Variants in NXN observed in about 807,000 individuals in gnomAD.
NXN encodes nucleoredoxin 1.
Under a neutral mutation model 48.6 loss-of-function variants are expected in NXN, and 16 were observed. The ratio of observed to expected loss-of-function variants is 0.33; its 90% confidence interval spans 0.22 to 0.50. NXN has a LOEUF of 0.50. Among genes scored for constraint, NXN ranks in the 20% least tolerant of loss-of-function variants. The pLI is 0.98. For missense variants in NXN, 492 were observed against 605.5 expected (o/e 0.81, Z 1.97); for synonymous variants, 281 against 269.6 (o/e 1.04, Z -0.41).
intron 1 of NXN, among the ~76,000 whole-genome samples, chr17:881,949 G>A (rs2068289025): frequency 6.6e-6 from 1 of 152,194 alleles, no homozygotes; most frequent in Middle Eastern, 3.2e-3. Context: ...ATGGGAGGGG[G>A]AGTCACCAGA....
At chr17:841,510 GGCGA>G (rs1914250264) in intron 1 of NXN, among the ~76,000 whole-genome samples, 4 of 27,566 alleles carry the variant, frequency 1.5e-4, no homozygotes, top group Admixed American at 3.4e-4. Flanking sequence ...ATCTCACACG[GGCGA>G]GCAGGTCCCC....
intron 4 of NXN, among the ~76,000 whole-genome samples, chr17:822,110 C>A (rs545917096): frequency 1.3e-5 from 2 of 152,052 alleles, no homozygotes; most frequent in South Asian, 2.1e-4. Context: ...GAAACCCCAT[C>A]TCCACTAAAA....
chr17:816,587 G>A (rs1024987530), intron 5 of NXN, among the ~76,000 whole-genome samples: 6 of 152,114 alleles, frequency 3.9e-5, no homozygotes, highest in East Asian at 1.9e-4. Context: ...CAGCACTGGC[G>A]GCTTCGCATT....
intron 1 of NXN, among the ~76,000 whole-genome samples, chr17:895,775 A>G (rs547481386): frequency 2.0e-4 from 19 of 93,320 alleles, no homozygotes; most frequent in East Asian, 8.2e-4. Flanking sequence ...CCGAGATCGC[A>G]CCACTGCACT....
At chr17:959,385 A>T (rs10902640) in intron 1 of NXN, 3 of 218,776 alleles carry the variant, frequency 1.4e-5, no homozygotes, top group Admixed American at 1.2e-4. Flanking sequence ...TGCCCCGGCC[A>T]GAGCGGGAGA....
rs147035035 is a variant in NXN, at chr17:823,653, G to A, written c.591C>T (p.Gly197=). ...ESSSLEGSHV[G]VYFSAHWCPP... is the part of the protein sequence containing the mutation. ...TCACCCAATGTGCGGAGAAATAGAC[G>A]CCCACGTGAGACCCCTCCAGGCTGC... is the stretch of plus-strand genomic sequence containing the variant. The change falls in exon 3 of 8, where the codon GGC becomes GGT. Residue 197 remains glycine (G), a synonymous_variant. Transcript: ENST00000336868. The A allele has an allele frequency of 2.0e-5, 32 of 1,613,902 alleles. No homozygotes were observed. In the African/African-American group the frequency reaches 2.4e-4, roughly 12 times the overall value.
chr17:934,086 A>G (rs1051837523), intron 1 of NXN, among the ~76,000 whole-genome samples: 2 of 152,182 alleles, frequency 1.3e-5, no homozygotes, highest in Admixed American at 1.3e-4. Flanking sequence ...TCATACATGC[A>G]GACTATGGGG....
chr17:913,496 CAG>C (rs1327852991), intron 1 of NXN, among the ~76,000 whole-genome samples: 1 of 152,208 alleles, frequency 6.6e-6, no homozygotes, highest in African/African-American at 2.4e-5. Context: ...ACACGACAGA[CAG>C]AGAGCAACAG....
At chr17:977,025 C>CAA (rs1263473372) in intron 1 of NXN, among the ~76,000 whole-genome samples, 3 of 152,162 alleles carry the variant, frequency 2.0e-5, no homozygotes, top group Non-Finnish European at 4.4e-5. Context: ...CTCAGCCTTC[C>CAA]AAAGTGCTGG....
chr17:957,146 G>A (rs192687756), intron 1 of NXN, among the ~76,000 whole-genome samples: 270 of 151,982 alleles, frequency 1.8e-3, no homozygotes, highest in African/African-American at 6.3e-3. Context: ...AGGCAACAAC[G>A]TGCAAAGGTG....
intron 1 of NXN, among the ~76,000 whole-genome samples, 177 bp downstream of exon 1, chr17:979,142 G>A: frequency 1.1e-5 from 1 of 91,138 alleles, no homozygotes; most frequent in Non-Finnish European, 2.3e-5. Flanking sequence ...GGCGGGGTGG[G>A]GGGCGGGGAG....
intron 1 of NXN, among the ~76,000 whole-genome samples, chr17:966,468 C>T (rs1036406146): frequency 1.3e-5 from 2 of 152,114 alleles, no homozygotes; most frequent in Admixed American, 6.6e-5. Context: ...CTGCCTCAGC[C>T]TCCCGAGTAG....
intron 1 of NXN, among the ~76,000 whole-genome samples, chr17:853,725 T>TATA (rs1244981485): frequency 1.2e-3 from 99 of 85,924 alleles, no homozygotes; most frequent in African/African-American, 1.9e-3. Context: ...ATATATATAT[T>TATA]TTTTTTTTTT....
intron 1 of NXN, among the ~76,000 whole-genome samples, chr17:857,407 C>T (rs908171595): frequency 6.6e-5 from 10 of 152,036 alleles, no homozygotes; most frequent in South Asian, 2.1e-4. Flanking sequence ...ACTACAGGCA[C>T]GCACCACCAC....
In NXN at chr17:825,445, C is replaced by T. The variant is rs538086761; in HGVS notation, c.478+516G>A. Reference sequence around the variant, plus strand: ...ACGCGGACGGCCCTGAGCGGGGCGGCTGGAGGAGCACAGCCCACGCGTAGC... The same window carrying T: ...ACGCGGACGGCCCTGAGCGGGGCGGTTGGAGGAGCACAGCCCACGCGTAGC... On this transcript the variant is annotated intron_variant, in intron 2 of 7. Coordinates refer to ENST00000336868, the MANE Select transcript of NXN (RefSeq NM_022463.5). This position sits in a 1 kb window ranked among gnomAD's most constrained non-coding sequence, Gnocchi z 4.1. 8.3e-5 allele frequency: 13 copies of T among 157,262 alleles called. No individual in the cohort carries two copies. The South Asian group carries it at 2.4e-3, about 29-fold the overall frequency. 9.7% of individuals were successfully genotyped at this position (157,262 alleles called of 1,614,324 possible).
intron 1 of NXN, among the ~76,000 whole-genome samples, chr17:841,433 GGCGA>G (rs1914214390): frequency 2.9e-4 from 15 of 51,206 alleles, no homozygotes; most frequent in South Asian, 2.1e-3. Context: ...ATCTCACACG[GGCGA>G]GCAGGTCCCC....
intron 1 of NXN, among the ~76,000 whole-genome samples, chr17:885,303 C>A: frequency 6.6e-6 from 1 of 152,046 alleles, no homozygotes; most frequent in Non-Finnish European, 1.5e-5. Context: ...CATGGTGACA[C>A]CTCGTCTCTA....
At chr17:925,881 T>A (rs981138338) in intron 1 of NXN, among the ~76,000 whole-genome samples, 1 of 152,344 alleles carries the variant, frequency 6.6e-6, no homozygotes, top group Middle Eastern at 3.4e-3. Context: ...AAAGTCATCA[T>A]TCCAGTCTTT....
At position 979,303 on chromosome 17, in the gene NXN, G is replaced by A. The variant is rs1269475606; in HGVS notation, c.360+16C>T. On this transcript the variant is annotated intron_variant, in intron 1 of 7. Transcript: ENST00000336868. The stretch of plus-strand genomic sequence containing the variant: ...GTGGGGGGCGGGCAGGGGCCGGCGA[G>A]GCCCGCGCCGCTCACCTTCCTGTGC... 4 of 1,363,496 alleles carry A rather than the reference G, an allele frequency of 2.9e-6. No individual in the cohort carries two copies. The highest frequency in any genetic ancestry group is 3.8e-6 in the Non-Finnish European group (4 of 1,043,214). The allele number at this position is 1,363,496 out of a possible 1,614,324, so 84.5% of individuals were successfully genotyped here.
Sources: gnomAD v4.1 joint callset for allele counts (sites outside exome capture counted in the v4.1 genomes callset) on GRCh38, gnomAD v4.1.1 for gene constraint, Gnocchi (gnomAD v3.1) non-coding constraint, MANE v1.5 for transcripts, NCBI Gene and HGNC (gene_info 2026-07-23, HGNC 2026-07-21) for gene names.